SLC37A3: variants seen among roughly 807,000 people sequenced by gnomAD.
SLC37A3 encodes solute carrier family 37 member 3.
SLC37A3 carries 51 observed loss-of-function variants against 67.1 expected under a neutral mutation model. That is an observed-to-expected ratio of 0.76 (90% CI 0.61 to 0.96). The LOEUF is 0.96. Among genes scored for constraint, SLC37A3 ranks in the 40% least tolerant of loss-of-function variants. SLC37A3 has a pLI of 0.00. For synonymous variants in SLC37A3, 214 were observed against 231.4 expected, an observed-to-expected ratio of 0.92 and a Z score of 0.68; for missense variants, 508 against 603.0, an observed-to-expected ratio of 0.84 and a Z score of 1.65.
chr7:140,392,200 G>A (rs1798750303), intron 1 of SLC37A3, among the ~76,000 whole-genome samples: 1 of 151,892 alleles, frequency 6.6e-6, no homozygotes, highest in Non-Finnish European at 1.5e-5. Context: ...TACTCCAGTG[G>A]GACTGAAAGG....
Position 140,335,450 on chromosome 7 carries a change from G to A in SLC37A3, c.1447C>T (p.Leu483Phe), listed in dbSNP as rs1233072630. 1 of 1,614,034 alleles carries A rather than the reference G, an allele frequency of 6.2e-7. No homozygotes were observed. Among genetic ancestry groups the A allele is most frequent in the African/African-American group, 1.3e-5 (1 of 74,908 alleles). The change falls in exon 15 of 15, where the codon CTC becomes TTC. Residue 483 changes from leucine to phenylalanine, a missense_variant. Transcript: ENST00000326232. Reference sequence around the variant, plus strand: ...ATGTGAGCCTGTCTCCTTAGCACGAGAGAGAATATTTCCCTCACTATTAAT... The same window carrying A: ...ATGTGAGCCTGTCTCCTTAGCACGAAAGAGAATATTTCCCTCACTATTAAT... ...SPLIVREIFSLVLRRQAHILR... is the reference protein window; with the variant it reads ...SPLIVREIFSFVLRRQAHILR...
At chr7:140,389,253 A>G (rs771697486) in intron 1 of SLC37A3, among the ~76,000 whole-genome samples, 11 of 152,092 alleles carry the variant, frequency 7.2e-5, no homozygotes, top group Non-Finnish European at 1.3e-4. Flanking sequence ...ACCTCCCCAA[A>G]TTGCTCCTGG....
chr7:140,343,674 G>GA (rs999495783), intron 12 of SLC37A3, 111 bp from the exon 13 acceptor site: 105 of 1,070,388 alleles, frequency 9.8e-5, no homozygotes, highest in Non-Finnish European at 1.2e-4. Context: ...GAGAGAAGTG[G>GA]AAAAAAAAGG....
chr7:140,349,214 T>C (rs1391798293), intron 9 of SLC37A3, among the ~76,000 whole-genome samples: 2 of 151,982 alleles, frequency 1.3e-5, no homozygotes, highest in East Asian at 1.9e-4. Flanking sequence ...CCAAACGGGG[T>C]TGGTTATTCT....
chr7:140,354,602 C>T (rs1044499701), intron 7 of SLC37A3, among the ~76,000 whole-genome samples: 1 of 152,212 alleles, frequency 6.6e-6, no homozygotes, highest in Admixed American at 6.5e-5. Context: ...GAATATTTTA[C>T]ATATGTTTAC....
chr7:140,361,353 A>G (rs1420400837), intron 5 of SLC37A3, among the ~76,000 whole-genome samples: 2 of 151,974 alleles, frequency 1.3e-5, no homozygotes, highest in African/African-American at 4.8e-5. Context: ...GTGGTGGTGC[A>G]TGCTTGTAAT....
Position 140,348,651 on chromosome 7 carries a change from A to C in SLC37A3, c.999T>G (p.Ile333Met). ...WKEAEADKLSIWYDVGGIIGG... is the reference protein window; with the variant it reads ...WKEAEADKLSMWYDVGGIIGG... ...CTATGATCCCTCCAACGTCGTACCAAATGGACAGCTTGTCGGCTTCCGCCT... is the reference window on the plus strand; with the variant it reads ...CTATGATCCCTCCAACGTCGTACCACATGGACAGCTTGTCGGCTTCCGCCT... The change falls in exon 10 of 15, where the codon ATT becomes ATG. Residue 333 changes from isoleucine (I) to methionine (M), a missense_variant. By Grantham distance (10) the Ile-to-Met change is conservative. Coordinates refer to ENST00000326232, the MANE Select transcript of SLC37A3 (RefSeq NM_207113.3). 1 of 1,614,038 alleles carries C rather than the reference A, an allele frequency of 6.2e-7. No homozygotes were observed. The highest frequency in any genetic ancestry group is 1.1e-5 in the South Asian group (1 of 91,080).
intron 1 of SLC37A3, among the ~76,000 whole-genome samples, chr7:140,386,449 C>CAATAATAATGAT (rs1798453562): frequency 6.8e-6 from 1 of 146,508 alleles, no homozygotes. Flanking sequence ...TATGCAATTA[C>CAATAATAATGAT]AATAATAATA....
chr7:140,342,298 G>A (rs1256617670), intron 13 of SLC37A3, among the ~76,000 whole-genome samples: 1 of 152,082 alleles, frequency 6.6e-6, no homozygotes, highest in East Asian at 1.9e-4. Context: ...TAATCTTCAA[G>A]GTTATTAATG....
chr7:140,374,454 G>A (rs371584423), intron 3 of SLC37A3, among the ~76,000 whole-genome samples: 4 of 148,714 alleles, frequency 2.7e-5, no homozygotes, highest in South Asian at 4.2e-4. Context: ...CTGAGATCGC[G>A]CCACTGTACT....
rs538324204 is a variant in SLC37A3 at position 140,340,657 on chromosome 7, A to G, written c.1326+2755T>C. On this transcript the variant is annotated intron_variant, in intron 13 of 14. Coordinates refer to ENST00000326232, the MANE Select transcript of SLC37A3 (RefSeq NM_207113.3). ...TTTTAGACAGGGTCTTGTCCAGGCAAGTGGCTCATGCCTGTAATCCTAGCA... is the reference window on the plus strand; with the variant it reads ...TTTTAGACAGGGTCTTGTCCAGGCAGGTGGCTCATGCCTGTAATCCTAGCA... Among the ~76,000 whole-genome samples the G allele has an allele frequency of 1.1e-4, 17 of 151,128 alleles. No homozygotes were observed. The East Asian group carries it at 3.1e-3, about 28-fold the overall frequency.
intron 7 of SLC37A3, among the ~76,000 whole-genome samples, chr7:140,354,293 AC>A (rs1282060715): frequency 6.6e-6 from 1 of 152,208 alleles, no homozygotes; most frequent in East Asian, 1.9e-4. Context: ...TTTGACAGAC[AC>A]TTCCATATTG....
intron 1 of SLC37A3, chr7:140,386,715 G>A (rs1217481871): frequency 6.6e-6 from 1 of 152,130 alleles, no homozygotes; most frequent in Non-Finnish European, 1.5e-5. Context: ...TTTCATTTCA[G>A]TGTTTCTGAA....
chr7:140,386,495 A>C (rs767029240), intron 1 of SLC37A3, among the ~76,000 whole-genome samples: 1 of 125,096 alleles, frequency 8.0e-6, no homozygotes, highest in Non-Finnish European at 1.8e-5. Flanking sequence ...CATGTATCCT[A>C]TCTATCACAG....
chr7:140,369,565 T>A (rs1215911000), intron 4 of SLC37A3, 25 bp downstream of exon 4: 1 of 1,597,472 alleles, frequency 6.3e-7, no homozygotes, highest in Non-Finnish European at 8.6e-7. Flanking sequence ...TCTTTAGCTT[T>A]AAGCCCTAGA....
At chr7:140,386,941 C>T (rs1166324257) in intron 1 of SLC37A3, 1 of 152,076 alleles carries the variant, frequency 6.6e-6, no homozygotes, top group Non-Finnish European at 1.5e-5. Context: ...CAATTATCAA[C>T]CGATATTTGT....
intron 3 of SLC37A3, among the ~76,000 whole-genome samples, chr7:140,370,149 G>GT (rs34474661): frequency 0.18 from 27,542 of 149,104 alleles, 2,794 homozygotes; most frequent in East Asian, 0.33. Flanking sequence ...GAAATAACTA[G>GT]TTTTTTTTTT....
rs1796079269 is a variant in SLC37A3, at chr7:140,335,094, T to C, written c.*318A>G. The C allele has an allele frequency of 1.1e-6, 1 of 888,716 alleles. No individual in the cohort carries two copies. The highest frequency in any genetic ancestry group is 1.7e-6 in the Non-Finnish European group (1 of 601,046). The allele number at this position is 888,716 out of a possible 1,614,324, so 55.1% of individuals were successfully genotyped here. ...AGAAAGTTCAAGTCCAAAACAACAG[T>C]TAAGGTTAAAACGCTAAACCTCAAT... On this transcript the variant is annotated 3_prime_UTR_variant, in exon 15 of 15. Transcript: ENST00000326232.
At chr7:140,396,164 T>C (rs1333361398) in intron 1 of SLC37A3, among the ~76,000 whole-genome samples, 3 of 151,696 alleles carry the variant, frequency 2.0e-5, no homozygotes, top group Admixed American at 2.0e-4. Context: ...GGACTACAGG[T>C]GGGCACCATC....
Sources: gnomAD v4.1 joint callset for allele counts (sites outside exome capture counted in the v4.1 genomes callset) on GRCh38, gnomAD v4.1.1 for gene constraint, MANE v1.5 for transcripts, NCBI Gene and HGNC (gene_info 2026-07-23, HGNC 2026-07-21) for gene names.